Variants in TSHZ2 observed in about 807,000 individuals in gnomAD.
The protein encoded by TSHZ2 is teashirt zinc finger homeobox 2, also known as teashirt homolog 2.
A neutral mutation model predicts 74.4 loss-of-function variants in TSHZ2; 21 were observed. The observed-to-expected ratio is 0.28, with a 90% CI of 0.20 to 0.41. The LOEUF (loss-of-function observed/expected upper bound fraction) is 0.41. TSHZ2 is among the 10% of genes least tolerant of loss of function. The pLI is 1.00. For missense variants in TSHZ2, 1,244 were observed against 1,293.5 expected (o/e 0.96, Z 0.59); for synonymous variants, 540 against 515.3 (o/e 1.05, Z -0.65).
At chr20:53,327,010 AG>A (rs1287810839) in intron 2 of TSHZ2, among the ~76,000 whole-genome samples, 1 of 152,270 alleles carries the variant, frequency 6.6e-6, no homozygotes, top group Non-Finnish European at 1.5e-5. Context: ...TTTGAAATTG[AG>A]AAGGTTGTGG....
intron 2 of TSHZ2, among the ~76,000 whole-genome samples, chr20:53,366,169 G>T (rs904280071): frequency 3.9e-5 from 6 of 152,192 alleles, no homozygotes; most frequent in Non-Finnish European, 8.8e-5. Flanking sequence ...CTCCAGGGCT[G>T]TTATTTTGGA....
At chr20:53,363,197 G>A (rs536499794) in intron 2 of TSHZ2, among the ~76,000 whole-genome samples, 2 of 152,334 alleles carry the variant, frequency 1.3e-5, no homozygotes, top group Non-Finnish European at 2.9e-5. Flanking sequence ...CTCACATCCT[G>A]GATTGGCTTC....
At chr20:53,328,806 A>G (rs1465163638) in intron 2 of TSHZ2, among the ~76,000 whole-genome samples, 2 of 152,146 alleles carry the variant, frequency 1.3e-5, no homozygotes, top group Non-Finnish European at 2.9e-5. Context: ...TCCATTATAT[A>G]TCACCTTAAA....
intron 2 of TSHZ2, among the ~76,000 whole-genome samples, chr20:53,285,159 C>T (rs1192152446): frequency 2.0e-5 from 3 of 152,070 alleles, no homozygotes; most frequent in South Asian, 2.1e-4. Flanking sequence ...TGTGCAAGCC[C>T]CCACAAAGTG....
At chr20:53,358,329 CTTTTTTTTTTTTTTTTTTT>C (rs57906027) in intron 2 of TSHZ2, among the ~76,000 whole-genome samples, 1 of 67,046 alleles carries the variant, frequency 1.5e-5, no homozygotes, top group Non-Finnish European at 2.6e-5. Context: ...TTCTGTGGTT[CTTTTTTTTTTTTTTTTTTT>C]TTTTTTTTCC....
At chr20:53,149,432 AAGAG>A (rs887169040) in intron 1 of TSHZ2, among the ~76,000 whole-genome samples, 2 of 152,184 alleles carry the variant, frequency 1.3e-5, no homozygotes, top group Non-Finnish European at 2.9e-5. Flanking sequence ...GGCTAAAAGA[AAGAG>A]AGAACATCAA....
intron 2 of TSHZ2, among the ~76,000 whole-genome samples, chr20:53,348,929 A>G (rs150420229): frequency 2.0e-4 from 31 of 152,360 alleles, no homozygotes; most frequent in African/African-American, 7.5e-4. Flanking sequence ...TACCAAGCTA[A>G]CGAGATTATC....
chr20:53,418,654 CA>C (rs1273040893), intron 2 of TSHZ2, among the ~76,000 whole-genome samples: 1 of 152,082 alleles, frequency 6.6e-6, no homozygotes, highest in African/African-American at 2.4e-5. Context: ...AGGTCCTTCC[CA>C]CAACATGTAG....
At chr20:53,037,030 G>A (rs1983848377) in intron 1 of TSHZ2, among the ~76,000 whole-genome samples, 1 of 152,056 alleles carries the variant, frequency 6.6e-6, no homozygotes, top group African/African-American at 2.4e-5. Flanking sequence ...TTAGTGCAGT[G>A]TATTAGTATT....
At chr20:53,190,139 T>TATATATA (rs1568803578) in intron 1 of TSHZ2, among the ~76,000 whole-genome samples, 6 of 49,384 alleles carry the variant, frequency 1.2e-4, no homozygotes, top group South Asian at 1.6e-3. Context: ...ATATATATAT[T>TATATATA]TTCTTAAATG....
At chr20:53,223,968 G>C (rs1047649668) in intron 1 of TSHZ2, among the ~76,000 whole-genome samples, 34 of 151,784 alleles carry the variant, frequency 2.2e-4, no homozygotes, top group African/African-American at 8.0e-4. Context: ...AACCTGAGTA[G>C]GTCAGTGGAT....
intron 2 of TSHZ2, among the ~76,000 whole-genome samples, chr20:53,478,792 T>C (rs1986064973): frequency 6.6e-6 from 1 of 152,154 alleles, no homozygotes; most frequent in South Asian, 2.1e-4. Context: ...ATTTTATAAC[T>C]TCCTTTTACC....
At chr20:53,068,528 A>G (rs1359157009) in intron 1 of TSHZ2, among the ~76,000 whole-genome samples, 2 of 151,998 alleles carry the variant, frequency 1.3e-5, no homozygotes, top group Non-Finnish European at 2.9e-5. Context: ...CCCCACACCG[A>G]GTCTAGTTGC....
At chr20:53,392,231 A>G (rs767084833) in intron 2 of TSHZ2, among the ~76,000 whole-genome samples, 11 of 152,060 alleles carry the variant, frequency 7.2e-5, no homozygotes, top group Non-Finnish European at 1.6e-4. Flanking sequence ...GATCATCTGA[A>G]GTTGGGAGTT....
intron 2 of TSHZ2, among the ~76,000 whole-genome samples, chr20:53,443,648 G>A (rs1391681862): frequency 6.6e-6 from 1 of 152,196 alleles, no homozygotes; most frequent in African/African-American, 2.4e-5. Context: ...GCAAGTTAAT[G>A]GCTGTGAATG....
intron 1 of TSHZ2, among the ~76,000 whole-genome samples, chr20:53,068,821 C>T (rs777924436): frequency 2.0e-5 from 3 of 151,914 alleles, no homozygotes; most frequent in East Asian, 1.9e-4. Flanking sequence ...GATTTTAGCA[C>T]GCTGCAACTT....
chr20:53,000,775 T>C (rs764197367), intron 1 of TSHZ2, among the ~76,000 whole-genome samples: 3 of 152,166 alleles, frequency 2.0e-5, no homozygotes, highest in Non-Finnish European at 2.9e-5. Flanking sequence ...GATTCTCAGT[T>C]TCTTAGAACC....
chr20:53,102,705 TG>T (rs1053206972), intron 1 of TSHZ2, among the ~76,000 whole-genome samples: 2 of 152,202 alleles, frequency 1.3e-5, no homozygotes, highest in Non-Finnish European at 2.9e-5. Context: ...CCCCCCATCT[TG>T]TTTAATATTT....
At chr20:53,438,521 C>G (rs1008219525) in intron 2 of TSHZ2, among the ~76,000 whole-genome samples, 2 of 152,182 alleles carry the variant, frequency 1.3e-5, no homozygotes, top group Non-Finnish European at 2.9e-5. Context: ...GTGTGCTCAT[C>G]CCTGGACCAA....
Sources: gnomAD v4.1 joint callset for allele counts (sites outside exome capture counted in the v4.1 genomes callset) on GRCh38, gnomAD v4.1.1 for gene constraint, MANE v1.5 for transcripts, NCBI Gene and HGNC (gene_info 2026-07-23, HGNC 2026-07-21) for gene names.